Variants in PKD2 observed in about 807,000 individuals in gnomAD.
PKD2 encodes polycystin-2.
PKD2 carries 48 observed loss-of-function variants against 105.9 expected under a neutral mutation model. The ratio of observed to expected loss-of-function variants is 0.45; its 90% CI spans 0.36 to 0.58. The LOEUF is 0.58. Among genes scored for constraint, PKD2 ranks in the 20% least tolerant of loss-of-function variants. PKD2 has a pLI of 0.00. For missense variants in PKD2, 1,078 were observed against 1,255.3 expected (o/e 0.86, Z 2.13); for synonymous variants, 464 against 481.1 (o/e 0.96, Z 0.46).
chr4:88,021,155 T>A (rs1034458824), intron 2 of PKD2, among the ~76,000 whole-genome samples: 4 of 152,342 alleles, frequency 2.6e-5, no homozygotes, highest in Admixed American at 2.6e-4. Flanking sequence ...GACAAATTTC[T>A]TATGCAAAAT....
intron 2 of PKD2, among the ~76,000 whole-genome samples, chr4:88,019,968 A>T (rs137880838): frequency 2.6e-5 from 4 of 152,348 alleles, no homozygotes; most frequent in African/African-American, 9.6e-5. Context: ...AATTTGGTCA[A>T]GTTCTCTTCT....
intron 6 of PKD2, among the ~76,000 whole-genome samples, chr4:88,049,164 C>T (rs1407378481): frequency 6.6e-6 from 1 of 152,210 alleles, no homozygotes; most frequent in Non-Finnish European, 1.5e-5. Flanking sequence ...CTACTACACA[C>T]CCTAATTTAT....
chr4:88,061,967 A>G lies in PKD2; in HGVS notation c.2081A>G (p.Gln694Arg). The change falls in exon 10 of 15, where the codon CAG (glutamine) becomes CGG (arginine). Residue 694 changes from glutamine to arginine, a missense_variant. Gln to Arg is a conservative substitution (Grantham distance 43). This residue lies in a region of PKD2 where 868 missense variants were observed against 1,067.3 expected (regional missense o/e 0.81). Transcript: ENST00000237596. ...YSEVKSDLAQQKAEMELSDLI... is the reference protein window; with the variant it reads ...YSEVKSDLAQRKAEMELSDLI... Reference sequence around the variant, plus strand: ...GAAGTGAAATCTGACTTGGCACAGCAGAAAGCTGAAATGGAACTCTCAGAT... The same window carrying G: ...GAAGTGAAATCTGACTTGGCACAGCGGAAAGCTGAAATGGAACTCTCAGAT... The G allele has an allele frequency of 2.5e-6, 4 of 1,577,034 alleles. 1 individual carries two copies. Among genetic ancestry groups the G allele is most frequent in the Non-Finnish European group, 2.6e-6 (3 of 1,146,584 alleles).
intron 1 of PKD2, among the ~76,000 whole-genome samples, chr4:88,014,119 A>C (rs1436739079): frequency 6.6e-6 from 1 of 152,224 alleles, no homozygotes; most frequent in African/African-American, 2.4e-5. Context: ...GAAAGGAAAC[A>C]AAAACCATCA....
At chr4:88,066,429 G>A (rs761697240) in intron 12 of PKD2, among the ~76,000 whole-genome samples, 14 of 147,976 alleles carry the variant, frequency 9.5e-5, no homozygotes, top group Non-Finnish European at 2.1e-4. Flanking sequence ...TGGCACAATC[G>A]CGACTCACTG....
intron 2 of PKD2, among the ~76,000 whole-genome samples, chr4:88,033,253 C>G (rs1048513583): frequency 6.6e-6 from 1 of 151,924 alleles, no homozygotes; most frequent in Non-Finnish European, 1.5e-5. Flanking sequence ...ATGGCGAAAC[C>G]CCGTCTCTAC....
chr4:88,040,729 C>T (rs1300255359), intron 4 of PKD2, among the ~76,000 whole-genome samples: 4 of 152,168 alleles, frequency 2.6e-5, no homozygotes, highest in African/African-American at 7.2e-5. Context: ...GTTGACCGCT[C>T]ATTCTTTTGA....
intron 7 of PKD2, 46 bp downstream of exon 7, chr4:88,052,204 T>A: frequency 3.2e-6 from 4 of 1,238,764 alleles, no homozygotes; most frequent in Non-Finnish European, 4.7e-6. Context: ...ATATTTTCTT[T>A]AAAAAAAATG....
In PKD2 at chr4:88,068,079, G is replaced by A. The variant is rs761792182; in HGVS notation, c.2522+18G>A. The A allele has an allele frequency of 6.2e-7, 1 of 1,611,326 alleles. No individual in the cohort carries two copies. The highest frequency in any genetic ancestry group is 2.2e-5 in the East Asian group (1 of 44,858). ...TTTCAAGTGTAAGTATAAAGGAATT[G>A]GCAGAATTTGCGTTGACAAGAGTCC... On this transcript the variant is annotated intron_variant, in intron 13 of 14. Transcript: ENST00000237596.
At chr4:88,023,505 A>C (rs907489049) in intron 2 of PKD2, among the ~76,000 whole-genome samples, 1 of 152,224 alleles carries the variant, frequency 6.6e-6, no homozygotes, top group Non-Finnish European at 1.5e-5. Context: ...CATCCAAACT[A>C]TATCACCTTG....
chr4:88,030,056 T>A (rs1727091140), intron 2 of PKD2, among the ~76,000 whole-genome samples: 1 of 152,200 alleles, frequency 6.6e-6, no homozygotes, highest in African/African-American at 2.4e-5. Context: ...AACCACAGAT[T>A]AGATGGAAGC....
At chr4:88,039,852 C>T (rs541024374) in intron 4 of PKD2, among the ~76,000 whole-genome samples, 2 of 152,184 alleles carry the variant, frequency 1.3e-5, no homozygotes, top group Admixed American at 6.5e-5. Context: ...AGCAGTCCTC[C>T]AGCCTCAGCC....
At chr4:88,073,392 G>T (rs1721111264) in intron 13 of PKD2, among the ~76,000 whole-genome samples, 1 of 151,648 alleles carries the variant, frequency 6.6e-6, no homozygotes, top group African/African-American at 2.4e-5. Context: ...TGGGCATGGT[G>T]GTGCACACCT....
chr4:88,046,302 T>C (rs1727760847), intron 5 of PKD2, among the ~76,000 whole-genome samples: 1 of 151,972 alleles, frequency 6.6e-6, no homozygotes, highest in Admixed American at 6.6e-5. Flanking sequence ...AAAAAAATAA[T>C]AACAGAAGTC....
intron 13 of PKD2, among the ~76,000 whole-genome samples, chr4:88,074,248 C>T (rs897877913): frequency 2.0e-5 from 3 of 152,126 alleles, no homozygotes; most frequent in African/African-American, 7.2e-5. Flanking sequence ...TCCCAAGGCT[C>T]AGGTGATCCT....
intron 7 of PKD2, among the ~76,000 whole-genome samples, chr4:88,055,638 C>CTT (rs5860112): frequency 7.1e-6 from 1 of 140,862 alleles, no homozygotes; most frequent in Non-Finnish European, 1.6e-5. Flanking sequence ...TGCACTCAGC[C>CTT]TTTTTTTTTT....
At chr4:88,034,074 A>G (rs535402607) in intron 2 of PKD2, among the ~76,000 whole-genome samples, 1 of 152,236 alleles carries the variant, frequency 6.6e-6, no homozygotes, top group African/African-American at 2.4e-5. Context: ...ATATGAATGG[A>G]TTAGAATTCT....
rs377398357 is a variant in PKD2, at chr4:88,075,515, C to G, written c.2728C>G (p.Arg910Gly). The G allele has an allele frequency of 3.7e-6, 6 of 1,613,946 alleles. No homozygotes were observed. Among genetic ancestry groups the G allele is most frequent in the Non-Finnish European group, 5.1e-6 (6 of 1,179,998 alleles). ...TAGGGAACAGATGGAACGGCTAGTA[C>G]GTGAAGAGTTGGAACGCTGGGAATC... is the stretch of plus-strand genomic sequence containing the variant. Reference protein sequence around the residue: ...IHREQMERLVREELERWESDD... With the variant: ...IHREQMERLVGEELERWESDD... The change falls in exon 15 of 15, where the codon CGT (arginine) becomes GGT (glycine). Residue 910 changes from arginine (R) to glycine (G), a missense_variant. By Grantham distance (125) the Arg-to-Gly change is moderately radical (BLOSUM62 -2). Around this residue, in one of 2 missense-constraint regions of PKD2, gnomAD observed 868 missense variants for 1,067.3 expected, o/e 0.81. Transcript: ENST00000237596.
Position 88,036,282 on chromosome 4 carries a change from C to G in PKD2, c.772C>G (p.Leu258Val). 6.2e-7 allele frequency: 1 copy of G among 1,613,908 alleles called. No individual in the cohort carries two copies. The highest frequency in any genetic ancestry group is 8.5e-7 in the Non-Finnish European group (1 of 1,179,808). The stretch of plus-strand genomic sequence containing the variant: ...CACCCGGATGATGTCACAGCTCTTC[C>G]TAGACACCCCCGTGTCCAAAACGGA... Reference protein sequence around the residue: ...YYTRMMSQLFLDTPVSKTEKT... With the variant: ...YYTRMMSQLFVDTPVSKTEKT... The change falls in exon 3 of 15, where the codon CTA becomes GTA. Residue 258 changes from leucine to valine, a missense_variant. By Grantham distance (32) the Leu-to-Val change is conservative. Around this residue, in one of 2 missense-constraint regions of PKD2, gnomAD observed 868 missense variants for 1,067.3 expected, o/e 0.81. Coordinates refer to ENST00000237596, the MANE Select transcript of PKD2 (RefSeq NM_000297.4).
Sources: gnomAD v4.1 joint callset for allele counts (sites outside exome capture counted in the v4.1 genomes callset) on GRCh38, gnomAD v4.1.1 for gene constraint, gnomAD v4.1.1 regional missense constraint, MANE v1.5 for transcripts, NCBI Gene and HGNC (gene_info 2026-07-23, HGNC 2026-07-21) for gene names.